Variants in ARHGAP32 observed in about 807,000 individuals in gnomAD.
ARHGAP32 encodes rho GTPase-activating protein 32.
A neutral mutation model predicts 186.5 loss-of-function variants in ARHGAP32; 51 were observed. The ratio of observed to expected loss-of-function variants is 0.27; its 90% CI spans 0.22 to 0.35. The LOEUF (loss-of-function observed/expected upper bound fraction) is 0.35. Among genes scored for constraint, ARHGAP32 ranks in the 10% least tolerant of loss-of-function variants. The pLI is 1.00. For missense variants in ARHGAP32, 2,186 were observed against 2,623.5 expected (o/e 0.83, Z 3.64); for synonymous variants, 950 against 964.3 (o/e 0.99, Z 0.27).
chr11:129,084,175 C>G (rs569171591), intron 6 of ARHGAP32, among the ~76,000 whole-genome samples: 2 of 151,976 alleles, frequency 1.3e-5, no homozygotes, highest in African/African-American at 4.8e-5. Flanking sequence ...AAACAGAAAC[C>G]AGTAAGCCCA....
chr11:129,262,970 C>A (rs929946813), intron 1 of ARHGAP32, among the ~76,000 whole-genome samples: 3 of 152,108 alleles, frequency 2.0e-5, no homozygotes, highest in Admixed American at 2.0e-4. Flanking sequence ...TGATTTTCTA[C>A]AGGAGTGTGA....
chr11:129,089,928 T>A (rs1591605109), intron 6 of ARHGAP32, among the ~76,000 whole-genome samples: 1 of 152,298 alleles, frequency 6.6e-6, no homozygotes, highest in East Asian at 1.9e-4. Flanking sequence ...AAACAATGGA[T>A]GCTATCAATT....
intron 11 of ARHGAP32, among the ~76,000 whole-genome samples, chr11:129,017,462 A>G (rs935434079): frequency 1.3e-5 from 2 of 151,116 alleles, no homozygotes; most frequent in African/African-American, 4.9e-5. Context: ...AAAAAAAAAA[A>G]GAAAAAGAAA....
intron 5 of ARHGAP32, among the ~76,000 whole-genome samples, chr11:129,112,293 G>A (rs1231018806): frequency 1.3e-5 from 2 of 151,646 alleles, no homozygotes; most frequent in Admixed American, 6.6e-5. Flanking sequence ...TCCTTTATAA[G>A]TGACTAGATG....
intron 5 of ARHGAP32, among the ~76,000 whole-genome samples, chr11:129,114,695 TTAA>T (rs1360655696): frequency 6.6e-6 from 1 of 152,150 alleles, no homozygotes; most frequent in African/African-American, 2.4e-5. Context: ...ACTTCTCAAT[TTAA>T]TAATATTTCA....
intron 2 of ARHGAP32, among the ~76,000 whole-genome samples, chr11:129,153,845 C>T (rs1475733430): frequency 6.6e-6 from 1 of 151,936 alleles, no homozygotes; most frequent in African/African-American, 2.4e-5. Flanking sequence ...AGACCAAGAA[C>T]CCAAAAGCAA....
chr11:129,217,211 T>C lies in ARHGAP32; in HGVS notation c.-4-52784A>G, dbSNP rs77799510. On this transcript the variant is annotated intron_variant, in intron 1 of 6. Coordinates refer to the ARHGAP32 transcript ENST00000525234. ...TCCTTCTTTGCCTCTTTAAATCTTTTCTGCTCTAAATTCACCCTGTCTGAT... is the reference window on the plus strand; with the variant it reads ...TCCTTCTTTGCCTCTTTAAATCTTTCCTGCTCTAAATTCACCCTGTCTGAT... Among the ~76,000 whole-genome samples the C allele has an allele frequency of 8.7e-3, 1,331 of 152,320 alleles. 4 individuals are homozygous for C. Among genetic ancestry groups the C allele is most frequent in the Non-Finnish European group, 0.016 (1,086 of 68,028 alleles).
rs552389764 is a variant in ARHGAP32 at position 129,181,148 on chromosome 11, G to C, written c.116+10935C>G. Among the ~76,000 whole-genome samples, 5 of 152,116 alleles carry C rather than the reference G, an allele frequency of 3.3e-5. No individual in the cohort carries two copies. The East Asian group carries it at 5.8e-4, about 18-fold the overall frequency. On this transcript the variant is annotated intron_variant, in intron 1 of 22. Coordinates refer to ENST00000682385, the MANE Select transcript of ARHGAP32 (RefSeq NM_001378024.1). Reference sequence around the variant, plus strand: ...TCTTTCTCTTTCTATTCTTCCGATCGGTTTTTGTTTATTTCTTATTCTTCG... The same window carrying C: ...TCTTTCTCTTTCTATTCTTCCGATCCGTTTTTGTTTATTTCTTATTCTTCG...
At chr11:129,068,774 T>C (rs1940779342) in intron 6 of ARHGAP32, among the ~76,000 whole-genome samples, 1 of 152,066 alleles carries the variant, frequency 6.6e-6, no homozygotes, top group African/African-American at 2.4e-5. Flanking sequence ...GAAGATTTGT[T>C]TACTAATATA....
intron 14 of ARHGAP32, 63 bp from the exon 15 acceptor site, chr11:128,986,148 ACAATTC>A: frequency 1.6e-6 from 2 of 1,289,876 alleles, no homozygotes; most frequent in Non-Finnish European, 2.2e-6. Flanking sequence ...AAGTTCACTT[ACAATTC>A]AGTTTTCACT....
intron 5 of ARHGAP32, among the ~76,000 whole-genome samples, chr11:129,113,765 T>C (rs983519157): frequency 3.3e-5 from 5 of 152,124 alleles, no homozygotes; most frequent in African/African-American, 1.2e-4. Context: ...TAAACAAACA[T>C]TGTCTTCTCC....
At chr11:128,980,517 A>C in intron 18 of ARHGAP32, 36 bp downstream of exon 18, 1 of 1,528,666 alleles carries the variant, frequency 6.5e-7, no homozygotes, top group South Asian at 1.2e-5. Flanking sequence ...ATAGCTATGA[A>C]AATCATATCC....
At chr11:129,054,034 A>G (rs567685831) in intron 10 of ARHGAP32, among the ~76,000 whole-genome samples, 1 of 151,470 alleles carries the variant, frequency 6.6e-6, no homozygotes, top group Non-Finnish European at 1.5e-5. Flanking sequence ...TCTAAAACTA[A>G]GTTACCTGGA....
chr11:129,203,294 C>T (rs533893017), intron 1 of ARHGAP32, among the ~76,000 whole-genome samples: 1 of 152,292 alleles, frequency 6.6e-6, no homozygotes, highest in South Asian at 2.1e-4. Flanking sequence ...AAAACTATTA[C>T]ATATATTGGC....
chr11:129,277,477 C>CCT (rs942914641), intron 1 of ARHGAP32, among the ~76,000 whole-genome samples: 7 of 152,294 alleles, frequency 4.6e-5, no homozygotes, highest in African/African-American at 1.7e-4. Flanking sequence ...ACTAACATTT[C>CCT]CTCTCTGTCC....
At chr11:128,974,029 C>T in intron 21 of ARHGAP32, 95 bp downstream of exon 21, 5 of 1,414,308 alleles carry the variant, frequency 3.5e-6, no homozygotes, top group Non-Finnish European at 4.8e-6. Context: ...TAAAGGCTAG[C>T]TGTGGACAAA....
intron 5 of ARHGAP32, among the ~76,000 whole-genome samples, chr11:129,114,758 C>G (rs1591627504): frequency 2.6e-5 from 4 of 152,220 alleles, no homozygotes; most frequent in Admixed American, 2.6e-4. Context: ...TCCCACATTT[C>G]TAAATTTCTT....
At chr11:128,992,196 A>G (rs1346349023) in intron 12 of ARHGAP32, among the ~76,000 whole-genome samples, 7 of 152,202 alleles carry the variant, frequency 4.6e-5, no homozygotes, top group African/African-American at 1.4e-4. Context: ...ATCATACAAC[A>G]CAGAAATATG....
intron 5 of ARHGAP32, among the ~76,000 whole-genome samples, chr11:129,117,093 G>A (rs986613094): frequency 6.6e-6 from 1 of 151,934 alleles, no homozygotes; most frequent in African/African-American, 2.4e-5. Context: ...CATTAAAGAT[G>A]CGAGATACTC....
Sources: gnomAD v4.1 joint callset for allele counts (sites outside exome capture counted in the v4.1 genomes callset) on GRCh38, gnomAD v4.1.1 for gene constraint, MANE v1.5 for transcripts, NCBI Gene and HGNC (gene_info 2026-07-23, HGNC 2026-07-21) for gene names.